The following RUVBL1 variants were observed in gnomAD, a reference collection of about 807,000 sequenced individuals.
RUVBL1 encodes ruvB-like 1.
RUVBL1 carries 4 observed loss-of-function variants against 52.4 expected under a neutral mutation model. The ratio of observed to expected loss-of-function variants is 0.08; its 90% CI spans 0.04 to 0.17. RUVBL1 has a LOEUF of 0.17. RUVBL1 is among the 10% of genes least tolerant of loss of function. The probability of loss-of-function intolerance (pLI) is 1.00; values close to 1 mark genes in which losing one functional copy is unlikely to be tolerated. For missense variants in RUVBL1, 298 were observed against 572.8 expected, an observed-to-expected ratio of 0.52 and a Z score of 4.90; for synonymous variants, 217 against 214.4, an observed-to-expected ratio of 1.01 and a Z score of -0.10.
chr3:128,070,270 A>C (rs2107655763), intron 9 of RUVBL1: 1 of 151,874 alleles, frequency 6.6e-6, no homozygotes, highest in Non-Finnish European at 1.5e-5. Flanking sequence ...CCCAGAAGAC[A>C]CTCCTGGCCA....
chr3:128,112,151 G>C (rs960724641), intron 3 of RUVBL1, among the ~76,000 whole-genome samples: 1 of 152,198 alleles, frequency 6.6e-6, no homozygotes, highest in Non-Finnish European at 1.5e-5. Context: ...AACTGCCCCA[G>C]AAGTCCTAGC....
At chr3:128,137,994 CT>C (rs1338722309) in intron 1 of RUVBL1, among the ~76,000 whole-genome samples, 2 of 152,064 alleles carry the variant, frequency 1.3e-5, no homozygotes, top group African/African-American at 2.4e-5. Context: ...ATTCAATATC[CT>C]ACTATAGTAA....
At chr3:128,070,751 T>G (rs1042911) in intron 9 of RUVBL1, 33,740 of 152,316 alleles carry the variant, frequency 0.22, 3,817 homozygotes, top group South Asian at 0.27. Flanking sequence ...TGTGGTGGTG[T>G]TGATCAGTTG....
chr3:128,073,588 G>A lies in RUVBL1; in HGVS notation c.940-8368C>T, dbSNP rs117027525. Among the ~76,000 whole-genome samples the A allele has an allele frequency of 1.3e-4, 20 of 152,278 alleles. No individual in the cohort carries two copies. The East Asian group carries it at 3.5e-3, about 26-fold the overall frequency. ...GGAGAGCCAGGTGTGCCCCTAAGTG[G>A]TAGTGCCCACCTCACTCCCCTGCCC... On this transcript the variant is annotated intron_variant, in intron 9 of 9. Transcript: ENST00000464873.
At chr3:128,148,430 T>G (rs1454515130) in intron 1 of RUVBL1, among the ~76,000 whole-genome samples, 1 of 152,152 alleles carries the variant, frequency 6.6e-6, no homozygotes, top group Non-Finnish European at 1.5e-5. Context: ...CAGTTCTCAT[T>G]CACTGTGATG....
upstream of RUVBL1, among the ~76,000 whole-genome samples, chr3:128,128,669 T>C (rs561085926): frequency 7.7e-4 from 118 of 152,340 alleles, no homozygotes; most frequent in African/African-American, 2.7e-3. Flanking sequence ...TAGAACTAGC[T>C]GCAAAGGAGG....
At chr3:128,127,705 G>A (rs1389890467), upstream of RUVBL1, among the ~76,000 whole-genome samples, 1 of 152,174 alleles carries the variant, frequency 6.6e-6, no homozygotes, top group Non-Finnish European at 1.5e-5. Context: ...ATGATTAAAT[G>A]TTGTTATTTG....
At chr3:128,112,570 GAT>G (rs1943419260) in intron 3 of RUVBL1, among the ~76,000 whole-genome samples, 1 of 152,096 alleles carries the variant, frequency 6.6e-6, no homozygotes, top group African/African-American at 2.4e-5. Flanking sequence ...CTTTTCAGTG[GAT>G]AGTCATCTCT....
chr3:128,066,652 G>A (rs1348993120), intron 9 of RUVBL1: 1 of 400,586 alleles, frequency 2.5e-6, no homozygotes, highest in South Asian at 4.0e-5. Context: ...TCGAACTTCT[G>A]GGCTCAAGCA....
upstream of RUVBL1, among the ~76,000 whole-genome samples, chr3:128,125,005 CTTTTTTTTTTTT>C (rs749620135): frequency 3.3e-5 from 2 of 61,352 alleles, no homozygotes; most frequent in Non-Finnish European, 5.6e-5. Context: ...CTCACACCGC[CTTTTTTTTTTTT>C]TTTTTTTTTT....
chr3:128,126,329 T>A (rs188423754), upstream of RUVBL1, among the ~76,000 whole-genome samples: 242 of 152,284 alleles, frequency 1.6e-3, 1 homozygote, highest in African/African-American at 5.4e-3. Flanking sequence ...GTGGATCACC[T>A]GAGGTCAGGA....
At chr3:128,109,097 C>T (rs1320557081) in intron 3 of RUVBL1, among the ~76,000 whole-genome samples, 1 of 152,154 alleles carries the variant, frequency 6.6e-6, no homozygotes, top group East Asian at 1.9e-4. Flanking sequence ...CATTGTGGGT[C>T]CCACCTAGGA....
At position 128,147,265 on chromosome 3, in the gene RUVBL1, CT is replaced by C. The variant is rs778781344; in HGVS notation, c.-40+5937del. On this transcript the variant is annotated intron_variant, in intron 1 of 9. Coordinates refer to the RUVBL1 transcript ENST00000464873. ...TTGTGTTTTTTGTAGAGGTGGAGCC[CT>C]ACTGTGTTTCCCAGGCTGGTCTCCA... Among the ~76,000 whole-genome samples the C allele has an allele frequency of 3.1e-4, 47 of 152,008 alleles. 1 individual carries two copies. Among genetic ancestry groups the C allele is most frequent in the Admixed American group, 1.2e-3 (19 of 15,262 alleles).
At chr3:128,120,995 T>C (rs1455616224) in intron 1 of RUVBL1, among the ~76,000 whole-genome samples, 1 of 146,862 alleles carries the variant, frequency 6.8e-6, no homozygotes. Flanking sequence ...AAAAAAAAAA[T>C]GATGTAAGCA....
rs547925331 is a variant in RUVBL1 at position 128,147,901 on chromosome 3, C to T, written c.-40+5302G>A. On this transcript the variant is annotated intron_variant, in intron 1 of 9. Coordinates refer to the RUVBL1 transcript ENST00000464873. ...GATGATCCATCCATATGATGGAATA[C>T]TACACAGTGATAAAAAGGACCACAC... Among the ~76,000 whole-genome samples, 21 of 152,300 alleles carry T rather than the reference C, an allele frequency of 1.4e-4. No individual in the cohort carries two copies. The South Asian group carries it at 4.3e-3, about 32-fold the overall frequency.
At chr3:128,099,005 C>A (rs564249807) in intron 6 of RUVBL1, 60 bp from the exon 7 acceptor site, 9 of 1,364,616 alleles carry the variant, frequency 6.6e-6, no homozygotes, top group Non-Finnish European at 9.4e-6. Flanking sequence ...GAAGCCTCAT[C>A]CCCCTGCATC....
At chr3:128,129,012 C>T (rs1227637182) in intron 1 of RUVBL1, among the ~76,000 whole-genome samples, 1 of 152,078 alleles carries the variant, frequency 6.6e-6, no homozygotes, top group Non-Finnish European at 1.5e-5. Flanking sequence ...AATCTTTCTC[C>T]CTCCTCCCCC....
chr3:128,076,887 CCCGCGCCCTCCCCG>C (rs1942345152), downstream of RUVBL1, among the ~76,000 whole-genome samples: 3 of 152,154 alleles, frequency 2.0e-5, no homozygotes, highest in Admixed American at 6.5e-5. The surrounding 1 kb of genome is among the most constrained non-coding windows in gnomAD (Gnocchi z 6.8). Flanking sequence ...GGTCCGCATG[CCCGCGCCCTCCCCG>C]CAGCTGCCGG....
chr3:128,149,567 A>G (rs1944154906), intron 1 of RUVBL1, among the ~76,000 whole-genome samples: 1 of 152,202 alleles, frequency 6.6e-6, no homozygotes, highest in Admixed American at 6.5e-5. Context: ...GCTACTACAT[A>G]CAATATAGAA....
Sources: allele counts gnomAD v4.1 joint callset (sites outside exome capture counted in the v4.1 genomes callset), GRCh38; gene constraint gnomAD v4.1.1; non-coding constraint Gnocchi (gnomAD v3.1); transcripts MANE v1.5; gene names NCBI Gene and HGNC (gene_info 2026-07-23, HGNC 2026-07-21).